Variants in TENM3 observed in about 807,000 individuals in gnomAD.
TENM3 encodes teneurin-3.
Under a neutral mutation model 255.1 loss-of-function variants are expected in TENM3, and 63 were observed. The ratio of observed to expected loss-of-function variants is 0.25; its 90% CI spans 0.20 to 0.30. The LOEUF is 0.30. Among genes scored for constraint, TENM3 ranks in the 10% least tolerant of loss-of-function variants. TENM3 has a pLI of 1.00. For synonymous variants in TENM3, 1,306 were observed against 1,322.3 expected, an observed-to-expected ratio of 0.99 and a Z score of 0.27; for missense variants, 2,929 against 3,461.1, an observed-to-expected ratio of 0.85 and a Z score of 3.86.
chr4:182,066,599 A>AAAAAATATATATATAT, the TENM3 span, among the ~76,000 whole-genome samples: 2 of 137,106 alleles, frequency 1.5e-5, no homozygotes, highest in African/African-American at 5.7e-5. Context: ...GTAAAAAAAA[A>AAAAAATATATATATAT]ATATATATAT....
At chr4:181,607,477 C>T in the TENM3 span, among the ~76,000 whole-genome samples, 10 of 151,432 alleles carry the variant, frequency 6.6e-5, no homozygotes, top group South Asian at 2.1e-4. Flanking sequence ...TGCAGTGGCA[C>T]GATCTCGGCT....
At chr4:182,582,005 G>A (rs1465889652) in intron 3 of TENM3, among the ~76,000 whole-genome samples, 1 of 152,116 alleles carries the variant, frequency 6.6e-6, no homozygotes, top group Non-Finnish European at 1.5e-5. Context: ...ATACTAAAAA[G>A]TGTTAATTAT....
chr4:182,304,331 G>A (rs1762014275), intron 1 of TENM3, among the ~76,000 whole-genome samples: 1 of 151,956 alleles, frequency 6.6e-6, no homozygotes, highest in South Asian at 2.1e-4. Context: ...TCCTCCCTCA[G>A]CCTCTCAAGT....
At chr4:182,645,334 A>C (rs1030388518) in intron 5 of TENM3, among the ~76,000 whole-genome samples, 4 of 152,126 alleles carry the variant, frequency 2.6e-5, no homozygotes, top group Admixed American at 2.6e-4. Context: ...TACATATTTC[A>C]AAGTCATCCA....
chr4:181,654,198 T>C, the TENM3 span, among the ~76,000 whole-genome samples: 1 of 145,012 alleles, frequency 6.9e-6, no homozygotes, highest in Non-Finnish European at 1.5e-5. Flanking sequence ...TTCTATGCGA[T>C]AAACCTTCCT....
At chr4:181,612,523 TCAGA>T in the TENM3 span, among the ~76,000 whole-genome samples, 17 of 137,730 alleles carry the variant, frequency 1.2e-4, no homozygotes, top group East Asian at 3.4e-3. Flanking sequence ...TGTGTGTGTG[TCAGA>T]GAGAGAGAGA....
intron 3 of TENM3, among the ~76,000 whole-genome samples, chr4:182,443,780 CA>C (rs1772688359): frequency 6.6e-6 from 1 of 152,186 alleles, no homozygotes; most frequent in Non-Finnish European, 1.5e-5. Context: ...GTAGAGGACC[CA>C]GTAGGCTCCT....
At chr4:182,582,385 G>A (rs757143505) in intron 3 of TENM3, among the ~76,000 whole-genome samples, 1 of 152,070 alleles carries the variant, frequency 6.6e-6, no homozygotes, top group Non-Finnish European at 1.5e-5. Flanking sequence ...TCCCACTTGT[G>A]AAACAGGAAT....
chr4:182,562,005 T>TAGATAGATAGAC, intron 3 of TENM3, among the ~76,000 whole-genome samples: 1 of 151,732 alleles, frequency 6.6e-6, no homozygotes, highest in African/African-American at 2.4e-5. Context: ...GATAGATAGA[T>TAGATAGATAGAC]AGATAGATAG....
intron 6 of TENM3, among the ~76,000 whole-genome samples, chr4:182,659,460 G>T (rs1044353915): frequency 6.6e-6 from 1 of 152,132 alleles, no homozygotes; most frequent in South Asian, 2.1e-4. Context: ...TATATATAGG[G>T]TTTGATATTA....
chr4:182,386,465 TGAG>T (rs1388657262), intron 3 of TENM3, among the ~76,000 whole-genome samples: 2 of 152,232 alleles, frequency 1.3e-5, no homozygotes, highest in Non-Finnish European at 2.9e-5. Context: ...TGGCGGCACT[TGAG>T]GAGCCCTTCG....
chr4:181,664,584 G>C, the TENM3 span, among the ~76,000 whole-genome samples: 9 of 152,278 alleles, frequency 5.9e-5, no homozygotes, highest in Non-Finnish European at 2.9e-5. Context: ...CGTGTTATTA[G>C]CTGCCACTGT....
chr4:182,344,484 C>T (rs1050572480), intron 2 of TENM3, among the ~76,000 whole-genome samples: 9 of 152,132 alleles, frequency 5.9e-5, no homozygotes, highest in Admixed American at 5.9e-4. Context: ...GCAAAGTGAA[C>T]TGTGTTTACA....
intron 1 of TENM3, among the ~76,000 whole-genome samples, chr4:182,270,924 C>T (rs1027779503): frequency 6.6e-6 from 1 of 152,252 alleles, no homozygotes; most frequent in East Asian, 1.9e-4. Flanking sequence ...CAGCCCAAGT[C>T]GTGGATCCTG....
intron 3 of TENM3, among the ~76,000 whole-genome samples, chr4:182,385,068 G>A (rs907127902): frequency 2.6e-5 from 4 of 151,944 alleles, no homozygotes; most frequent in Non-Finnish European, 5.9e-5. Flanking sequence ...CGTAGATGAC[G>A]GTGTCCCCCA....
intron 1 of TENM3, among the ~76,000 whole-genome samples, chr4:182,267,117 CTGA>C (rs1759294281): frequency 6.6e-6 from 1 of 152,110 alleles, no homozygotes; most frequent in Non-Finnish European, 1.5e-5. Context: ...ATGGACTAAA[CTGA>C]TGAAGTCTAA....
the TENM3 span, among the ~76,000 whole-genome samples, chr4:181,490,009 A>C: frequency 6.6e-6 from 1 of 152,152 alleles, no homozygotes; most frequent in Non-Finnish European, 1.5e-5. Flanking sequence ...AATATGACCT[A>C]TTTTAGTTAA....
chr4:182,156,596 GT>G (rs900575130), intron 1 of TENM3, among the ~76,000 whole-genome samples: 16 of 151,298 alleles, frequency 1.1e-4, no homozygotes, highest in African/African-American at 3.4e-4. Context: ...AAATATGATA[GT>G]TTTTTTTACT....
At chr4:182,117,772 T>A in the TENM3 span, among the ~76,000 whole-genome samples, 3 of 151,762 alleles carry the variant, frequency 2.0e-5, no homozygotes, top group Non-Finnish European at 2.9e-5. Context: ...ATTCTGGATA[T>A]TTTTTTCCAT....
Sources: allele counts gnomAD v4.1 joint callset (sites outside exome capture counted in the v4.1 genomes callset), GRCh38; gene constraint gnomAD v4.1.1; transcripts MANE v1.5; gene names NCBI Gene and HGNC (gene_info 2026-07-23, HGNC 2026-07-21).